RGS6: variants seen among roughly 807,000 people sequenced by gnomAD.
RGS6 encodes regulator of G-protein signaling 6.
Under a neutral mutation model 78.5 loss-of-function variants are expected in RGS6, and 30 were observed. That is an observed-to-expected ratio of 0.38 (90% CI 0.29 to 0.52). RGS6 has a LOEUF of 0.52. Ranked by LOEUF, RGS6 falls within the 20% of genes least tolerant of loss-of-function variation. RGS6 has a pLI of 0.85. For synonymous variants in RGS6, 206 were observed against 206.0 expected (o/e 1.00, Z 0.00); for missense variants, 495 against 609.7 (o/e 0.81, Z 1.98).
intron 3 of RGS6, among the ~76,000 whole-genome samples, chr14:72,367,961 C>A (rs2082744005): frequency 6.6e-6 from 1 of 152,200 alleles, no homozygotes; most frequent in Non-Finnish European, 1.5e-5. Flanking sequence ...GAAGTTAATT[C>A]TTTTCACTTT....
At chr14:72,533,196 A>G (rs374634197) in intron 15 of RGS6, among the ~76,000 whole-genome samples, 2 of 152,238 alleles carry the variant, frequency 1.3e-5, no homozygotes, top group African/African-American at 4.8e-5. Context: ...TTCAAGAATG[A>G]TGCTAAATAT....
At chr14:72,404,548 GC>G in intron 3 of RGS6, among the ~76,000 whole-genome samples, 1 of 152,340 alleles carries the variant, frequency 6.6e-6, no homozygotes, top group Admixed American at 6.5e-5. Flanking sequence ...TCTGCCAGCA[GC>G]CCTGCATGCT....
intron 2 of RGS6, among the ~76,000 whole-genome samples, chr14:72,267,385 G>A (rs1405771799): frequency 1.3e-5 from 2 of 152,198 alleles, no homozygotes; most frequent in South Asian, 2.1e-4. Flanking sequence ...ATGCTCATTC[G>A]TGTACATGGT....
chr14:72,195,057 A>C (rs1053493110), intron 2 of RGS6, among the ~76,000 whole-genome samples: 3 of 152,060 alleles, frequency 2.0e-5, no homozygotes, highest in Admixed American at 2.0e-4. Context: ...AAAATACAAA[A>C]ATTAGCTAGG....
intron 3 of RGS6, among the ~76,000 whole-genome samples, chr14:72,412,311 C>T (rs144993648): frequency 0.029 from 4,411 of 152,156 alleles, 199 homozygotes; most frequent in African/African-American, 0.1. Flanking sequence ...TGTATGTGTC[C>T]AGGAATTTAT....
intron 1 of RGS6, among the ~76,000 whole-genome samples, chr14:71,948,364 A>G (rs963045059): frequency 5.9e-5 from 9 of 152,186 alleles, no homozygotes; most frequent in African/African-American, 2.2e-4. Flanking sequence ...GGTAACAGAC[A>G]CAACCTCTGG....
At chr14:71,966,385 C>G (rs728498) in intron 2 of RGS6, among the ~76,000 whole-genome samples, 143,256 of 152,338 alleles carry the variant, frequency 0.94, 67,451 homozygotes, top group East Asian at 0.99. Flanking sequence ...CTCTAAGAAT[C>G]ATGCTTATTA....
At chr14:72,222,647 T>C (rs990310737) in intron 2 of RGS6, among the ~76,000 whole-genome samples, 33 of 152,324 alleles carry the variant, frequency 2.2e-4, no homozygotes, top group African/African-American at 7.9e-4. Context: ...CTGTAACCCA[T>C]AGGCTACCAA....
chr14:72,189,073 A>G (rs1456215945), intron 2 of RGS6, among the ~76,000 whole-genome samples: 2 of 152,338 alleles, frequency 1.3e-5, no homozygotes, highest in Non-Finnish European at 2.9e-5. Flanking sequence ...AGGCTCAGAT[A>G]GTAAATGTGT....
intron 2 of RGS6, among the ~76,000 whole-genome samples, chr14:72,301,794 C>T (rs1053947742): frequency 2.0e-5 from 3 of 152,142 alleles, no homozygotes; most frequent in Admixed American, 1.3e-4. Context: ...CTCATCTTCA[C>T]GTGGTGTTCT....
chr14:72,227,881 AG>A (rs1434357158), intron 2 of RGS6, among the ~76,000 whole-genome samples: 1 of 152,022 alleles, frequency 6.6e-6, no homozygotes, highest in African/African-American at 2.4e-5. Context: ...TTGACTGGGG[AG>A]GGGGGAAGAG....
chr14:72,145,822 G>C (rs187922105), intron 2 of RGS6, among the ~76,000 whole-genome samples: 50 of 152,222 alleles, frequency 3.3e-4, no homozygotes, highest in Non-Finnish European at 4.6e-4. Flanking sequence ...AAAATTATAA[G>C]TGTGGTAAAT....
chr14:72,500,399 T>G (rs960759949), intron 13 of RGS6, among the ~76,000 whole-genome samples: 4 of 152,188 alleles, frequency 2.6e-5, no homozygotes, highest in Non-Finnish European at 5.9e-5. Flanking sequence ...GTGGAATCAG[T>G]GTCAACATCA....
chr14:71,947,821 G>A (rs2091758226), intron 1 of RGS6, among the ~76,000 whole-genome samples: 2 of 152,226 alleles, frequency 1.3e-5, no homozygotes, highest in Admixed American at 6.5e-5. Flanking sequence ...GGAGTTTTCT[G>A]TAGTTGAGAT....
intron 2 of RGS6, among the ~76,000 whole-genome samples, chr14:71,987,305 A>T (rs1394411245): frequency 6.6e-6 from 1 of 152,104 alleles, no homozygotes. Flanking sequence ...GAGGGCAGAA[A>T]AGAGGAGAGT....
At chr14:72,285,672 C>T (rs1053276362) in intron 2 of RGS6, among the ~76,000 whole-genome samples, 1 of 152,152 alleles carries the variant, frequency 6.6e-6, no homozygotes, top group Non-Finnish European at 1.5e-5. Context: ...TCTTTACATC[C>T]TTGCCAGCAC....
intron 2 of RGS6, among the ~76,000 whole-genome samples, chr14:72,182,612 A>C (rs573094339): frequency 2.6e-4 from 40 of 152,172 alleles, no homozygotes; most frequent in Non-Finnish European, 4.4e-4. Context: ...GCTGACAGTA[A>C]CATCTGTCCA....
chr14:72,300,171 A>G (rs2065754425), intron 2 of RGS6, among the ~76,000 whole-genome samples: 1 of 151,936 alleles, frequency 6.6e-6, no homozygotes, highest in African/African-American at 2.4e-5. Flanking sequence ...AGTAGCTTTT[A>G]CTTTTTCTCT....
At chr14:72,455,776 C>T (rs1045568081) in intron 4 of RGS6, among the ~76,000 whole-genome samples, 11 of 152,128 alleles carry the variant, frequency 7.2e-5, no homozygotes, top group Non-Finnish European at 1.5e-4. Flanking sequence ...TCTGAGTGTC[C>T]GCTTGGAAAG....
Sources: gnomAD v4.1 joint callset for allele counts (sites outside exome capture counted in the v4.1 genomes callset) on GRCh38, gnomAD v4.1.1 for gene constraint, MANE v1.5 for transcripts, NCBI Gene and HGNC (gene_info 2026-07-23, HGNC 2026-07-21) for gene names.